CAB39L: variants seen among roughly 807,000 people sequenced by gnomAD.
The protein encoded by CAB39L is calcium-binding protein 39-like.
CAB39L carries 23 observed loss-of-function variants against 39.1 expected under a neutral mutation model. That is an observed-to-expected ratio of 0.59 (90% confidence interval 0.42 to 0.83). CAB39L has a LOEUF of 0.83. CAB39L is among the 40% of genes least tolerant of loss of function. The probability of loss-of-function intolerance (pLI) is 0.00; values close to 1 mark genes in which losing one functional copy is unlikely to be tolerated. For synonymous variants in CAB39L, 126 were observed against 137.2 expected (o/e 0.92, Z 0.57); for missense variants, 366 against 391.9 (o/e 0.93, Z 0.56).
rs369293007 is a variant in CAB39L at position 49,382,847 on chromosome 13, T to A, written c.64A>T (p.Lys22Ter). The change falls in exon 4 of 11, where the codon AAA becomes TAA. Residue 22 changes from lysine to a stop codon, truncating the protein, a stop_gained. Transcript: ENST00000409308. LOFTEE classifies it high-confidence loss of function. Reference protein sequence around the residue: ...KNPAEIVKILKDNLAILEKQD... With the variant: ...KNPAEIVKIL ...TTTTCCAAAATGGCCAAATTGTCTT[T>A]CAGGATTTTCACAATTTCTGCTGGA... 5.6e-6 allele frequency: 9 copies of A among 1,612,036 alleles called. No homozygotes were observed. The highest frequency in any genetic ancestry group is 6.8e-6 in the Non-Finnish European group (8 of 1,179,216).
At chr13:49,425,271 A>C (rs1380520207) in intron 3 of CAB39L, among the ~76,000 whole-genome samples, 1 of 152,162 alleles carries the variant, frequency 6.6e-6, no homozygotes, top group East Asian at 1.9e-4. Flanking sequence ...TTCAATATTG[A>C]AAACTTTTAT....
intron 3 of CAB39L, among the ~76,000 whole-genome samples, chr13:49,420,017 A>G (rs1249962754): frequency 6.6e-6 from 1 of 152,232 alleles, no homozygotes; most frequent in Admixed American, 6.5e-5. Flanking sequence ...ACATTATTCA[A>G]TCACAGCCAT....
At chr13:49,401,770 G>A (rs1466484140) in intron 3 of CAB39L, among the ~76,000 whole-genome samples, 1 of 152,102 alleles carries the variant, frequency 6.6e-6, no homozygotes, top group Non-Finnish European at 1.5e-5. Flanking sequence ...GTTTAAAAAT[G>A]TAAATAAAGG....
chr13:49,389,540 C>G (rs564006044), intron 3 of CAB39L, among the ~76,000 whole-genome samples: 2,359 of 152,206 alleles, frequency 0.015, 69 homozygotes, highest in African/African-American at 0.053. Flanking sequence ...ACTCAAGAGG[C>G]TGAGGCATGA....
intron 9 of CAB39L, among the ~76,000 whole-genome samples, chr13:49,336,636 G>A (rs1954855560): frequency 1.3e-5 from 2 of 152,124 alleles, no homozygotes. Context: ...GGAAGGATTT[G>A]GAGAATTTAT....
At chr13:49,337,452 C>T (rs192933321) in intron 9 of CAB39L, among the ~76,000 whole-genome samples, 1 of 152,280 alleles carries the variant, frequency 6.6e-6, no homozygotes, top group Admixed American at 6.5e-5. Context: ...GGGGCTCTCC[C>T]ACCTCCCCCT....
intron 8 of CAB39L, among the ~76,000 whole-genome samples, chr13:49,340,501 A>G (rs574694680): frequency 3.3e-5 from 5 of 152,340 alleles, no homozygotes; most frequent in Admixed American, 3.3e-4. Context: ...GCCGCTGTGT[A>G]ATGAGGGCAA....
chr13:49,435,935 A>T (rs905153507), intron 1 of CAB39L, among the ~76,000 whole-genome samples: 8 of 152,238 alleles, frequency 5.3e-5, no homozygotes, highest in Non-Finnish European at 1.0e-4. Flanking sequence ...TCTTTGTGAT[A>T]TAAGTCCAAA....
chr13:49,406,169 C>T lies in CAB39L; in HGVS notation c.-31-23228G>A, dbSNP rs938477042. On this transcript the variant is annotated intron_variant, in intron 3 of 10. Coordinates refer to ENST00000409308, the MANE Select transcript of CAB39L (RefSeq NM_001079670.3). ...ACTGAGGGAATACAATTGGAATGCTCTTTTTTTTTTTTTTTTGAGATGGAG... is the reference window on the plus strand; with the variant it reads ...ACTGAGGGAATACAATTGGAATGCTTTTTTTTTTTTTTTTTTGAGATGGAG... Among the ~76,000 whole-genome samples, 1,659 of 134,400 alleles carry T rather than the reference C, an allele frequency of 0.012. 65 individuals carry two copies. In the East Asian group the frequency reaches 0.13, roughly 10 times the overall value. The allele number at this position is 134,400 out of a possible 152,430, so 88.2% of individuals were successfully genotyped here. A position where few individuals can be genotyped will look rare whatever the true frequency, so the allele number is the denominator to read the frequency against.
intron 1 of CAB39L, among the ~76,000 whole-genome samples, chr13:49,434,656 G>C (rs1157916679): frequency 3.3e-5 from 5 of 151,812 alleles, no homozygotes; most frequent in African/African-American, 4.8e-5. Flanking sequence ...GGGAGTTTGG[G>C]ACCAGCCTGA....
chr13:49,312,301 G>T (rs1363950504), intron 10 of CAB39L, among the ~76,000 whole-genome samples: 2 of 152,108 alleles, frequency 1.3e-5, no homozygotes, highest in African/African-American at 4.8e-5. Flanking sequence ...AATGTCCTAG[G>T]CCTTCGCATT....
chr13:49,410,144 C>T (rs566858792), intron 3 of CAB39L, among the ~76,000 whole-genome samples: 12 of 152,114 alleles, frequency 7.9e-5, no homozygotes, highest in Non-Finnish European at 1.6e-4. Context: ...CCCCAAGATT[C>T]GATATACAGC....
chr13:49,415,378 G>C (rs1022949184), intron 3 of CAB39L, among the ~76,000 whole-genome samples: 2 of 151,486 alleles, frequency 1.3e-5, no homozygotes, highest in African/African-American at 4.9e-5. Flanking sequence ...AAAATTAGCG[G>C]GGTGTGGTGG....
chr13:49,333,204 G>A (rs1954758511), intron 9 of CAB39L, among the ~76,000 whole-genome samples: 1 of 152,148 alleles, frequency 6.6e-6, no homozygotes, highest in Non-Finnish European at 1.5e-5. Flanking sequence ...ATGTTGGCTG[G>A]TCACTAGTTA....
In CAB39L at chr13:49,412,920, G is replaced by C. The variant is rs1957018274; in HGVS notation, c.-32+20398C>G. On this transcript the variant is annotated intron_variant, in intron 3 of 10. Coordinates refer to ENST00000409308, the MANE Select transcript of CAB39L (RefSeq NM_001079670.3). Reference sequence around the variant, plus strand: ...GCCAGCCAGCCACTCACCTCCTACTGTGCTGCCCGGTTCCTAACAGGCCAT... The same window carrying C: ...GCCAGCCAGCCACTCACCTCCTACTCTGCTGCCCGGTTCCTAACAGGCCAT... The C allele has an allele frequency of 2.6e-5, 4 of 152,262 alleles. No homozygotes were observed. In the South Asian group the frequency reaches 8.3e-4, roughly 32 times the overall value. The allele number at this position is 152,262 out of a possible 1,614,324, so 9.4% of individuals were successfully genotyped here.
intron 1 of CAB39L, among the ~76,000 whole-genome samples, chr13:49,439,435 C>T (rs1024400410): frequency 6.6e-6 from 1 of 152,170 alleles, no homozygotes; most frequent in East Asian, 1.9e-4. Flanking sequence ...AGTTTTTCAA[C>T]ACTTATTGCA....
At chr13:49,438,902 T>C (rs545916612) in intron 1 of CAB39L, among the ~76,000 whole-genome samples, 1 of 152,342 alleles carries the variant, frequency 6.6e-6, no homozygotes, top group East Asian at 1.9e-4. Context: ...TGTTTTACTG[T>C]AGTAAAATAA....
chr13:49,313,874 A>G (rs900665334), intron 10 of CAB39L, among the ~76,000 whole-genome samples: 1 of 152,188 alleles, frequency 6.6e-6, no homozygotes, highest in African/African-American at 2.4e-5. Flanking sequence ...TGGGGGTTTC[A>G]TGGCTAAGCC....
chr13:49,443,159 G>A (rs557952116), intron 1 of CAB39L, among the ~76,000 whole-genome samples: 6 of 150,412 alleles, frequency 4.0e-5, no homozygotes, highest in Non-Finnish European at 3.0e-5. Context: ...AAAGAGCTCA[G>A]AAATTAAGGT....
Sources: gnomAD v4.1 joint callset for allele counts (sites outside exome capture counted in the v4.1 genomes callset) on GRCh38, gnomAD v4.1.1 for gene constraint, MANE v1.5 for transcripts, NCBI Gene and HGNC (gene_info 2026-07-23, HGNC 2026-07-21) for gene names.